The following NDST1 variants were observed in gnomAD, a reference collection of about 807,000 sequenced individuals.
NDST1 encodes bifunctional heparan sulfate N-deacetylase/N-sulfotransferase 1.
A neutral mutation model predicts 92.8 loss-of-function variants in NDST1; 35 were observed. That is an observed-to-expected ratio of 0.38 (90% CI 0.29 to 0.50). The LOEUF (loss-of-function observed/expected upper bound fraction) is 0.50. Ranked by LOEUF, NDST1 falls within the 20% of genes least tolerant of loss-of-function variation. The pLI is 0.94. For synonymous variants in NDST1, 493 were observed against 500.3 expected, an observed-to-expected ratio of 0.99 and a Z score of 0.19; for missense variants, 822 against 1,182.7, an observed-to-expected ratio of 0.69 and a Z score of 4.47.
chr5:150,550,022 T>C (rs759059578), intron 13 of NDST1, among the ~76,000 whole-genome samples: 11 of 152,176 alleles, frequency 7.2e-5, no homozygotes, highest in Non-Finnish European at 1.2e-4. Flanking sequence ...TGGTCTGGGC[T>C]GAACATTTTC....
At position 150,551,758 on chromosome 5, in the gene NDST1, A is replaced by T; in HGVS notation, c.2432A>T (p.Asp811Val). Residue 811 changes from aspartate (D) to valine (V), a missense_variant, in exon 14 of 15, where the codon GAT becomes GTT. Transcript: ENST00000261797. The stretch of plus-strand genomic sequence containing the variant: ...AGACTTTCCCACCTCCACAGGTTTG[A>T]TCCAAAGAAAGGATTTTGGTGCCAA... Reference protein sequence around the residue: ...TIDYHKTLAFDPKKGFWCQLL... With the variant: ...TIDYHKTLAFVPKKGFWCQLL... 1 of 1,612,982 alleles carries T rather than the reference A, an allele frequency of 6.2e-7. No homozygotes were observed. Among genetic ancestry groups the T allele is most frequent in the Non-Finnish European group, 8.5e-7 (1 of 1,179,128 alleles).
chr5:150,521,837 G>A lies in NDST1; in HGVS notation c.513+70G>A, dbSNP rs1343645632. The A allele has an allele frequency of 2.5e-6, 4 of 1,590,734 alleles. No homozygotes were observed. Among genetic ancestry groups the A allele is most frequent in the Admixed American group, 1.7e-5 (1 of 59,960 alleles). On this transcript the variant is annotated intron_variant, in intron 2 of 14. Transcript: ENST00000261797. The surrounding 1 kb of genome is among the most constrained non-coding windows in gnomAD (Gnocchi z 5.9). ...CAGCTCAGTGCCTGAATTCTCATTT[G>A]TGAAATAGGTGTAATGGTAGCACCC...
rs1328837724 is a variant in NDST1 at position 150,520,795 on chromosome 5, C to T, written c.-387-73C>T. The T allele has an allele frequency of 4.5e-5, 18 of 403,084 alleles. No individual in the cohort carries two copies. In the Admixed American group the frequency reaches 4.9e-4, roughly 11 times the overall value. The allele number at this position is 403,084 out of a possible 1,614,324, so 25.0% of individuals were successfully genotyped here. ...TTGCATTTGGGCATTCCTAGGTCAGCTCCTGTGTGTCCACAGTTAGCTGAA... is the reference window on the plus strand; with the variant it reads ...TTGCATTTGGGCATTCCTAGGTCAGTTCCTGTGTGTCCACAGTTAGCTGAA... On this transcript the variant is annotated intron_variant, in intron 1 of 14. Coordinates refer to ENST00000261797, the MANE Select transcript of NDST1 (RefSeq NM_001543.5).
At chr5:150,542,808 G>C in intron 9 of NDST1, 40 bp from the exon 10 acceptor site, 1 of 1,613,702 alleles carries the variant, frequency 6.2e-7, no homozygotes, top group African/African-American at 1.3e-5. Flanking sequence ...TTTTGGCTGG[G>C]GGCTGGGCCC....
Position 150,521,796 on chromosome 5 carries a change from T to G in NDST1, c.513+29T>G. ...CACAAGAAGCAGGGTCCCCGAGCAGTTCAGAGCCCCCTCTGCAGCTCAGTG... is the reference window on the plus strand; with the variant it reads ...CACAAGAAGCAGGGTCCCCGAGCAGGTCAGAGCCCCCTCTGCAGCTCAGTG... On this transcript the variant is annotated intron_variant, in intron 2 of 14. Transcript: ENST00000261797. This position sits in a 1 kb window ranked among gnomAD's most constrained non-coding sequence, Gnocchi z 5.9. 1 of 1,610,040 alleles carries G rather than the reference T, an allele frequency of 6.2e-7. No homozygotes were observed. The highest frequency in any genetic ancestry group is 8.5e-7 in the Non-Finnish European group (1 of 1,179,980).
intron 5 of NDST1, chr5:150,535,497 C>A: frequency 1.3e-6 from 1 of 750,638 alleles, no homozygotes; most frequent in Non-Finnish European, 1.6e-6. Context: ...GTTCTAATCC[C>A]AGCTCTGCCA....
Position 150,545,476 on chromosome 5 carries a change from C to A in NDST1, c.2135C>A (p.Ser712Tyr), listed in dbSNP as rs375276768. Residue 712 changes from serine to tyrosine, a missense_variant, in exon 11 of 15, where the codon TCC becomes TAC. Physicochemically the swap from Ser to Tyr is moderately radical, Grantham distance 144. Transcript: ENST00000261797. ...ATCAACCCCGCGGACCGGGCCTATT[C>A]CTGGTACCAGGTGAGTGGGGCTGGG... is the stretch of plus-strand genomic sequence containing the variant. ...ILINPADRAY[S>Y]WYQHQRAHDD... The A allele has an allele frequency of 6.2e-7, 1 of 1,614,092 alleles. No homozygotes were observed. The highest frequency in any genetic ancestry group is 8.5e-7 in the Non-Finnish European group (1 of 1,180,048).
intron 8 of NDST1, among the ~76,000 whole-genome samples, chr5:150,541,019 GC>G: frequency 6.6e-6 from 1 of 152,324 alleles, no homozygotes; most frequent in African/African-American, 2.4e-5. Flanking sequence ...GGAAGCAGAA[GC>G]TGGAATTGGT....
At chr5:150,522,041 A>C (rs750564660) in intron 2 of NDST1, among the ~76,000 whole-genome samples, 17 of 152,166 alleles carry the variant, frequency 1.1e-4, no homozygotes, top group Non-Finnish European at 1.8e-4. Context: ...CCACAGAGTA[A>C]GTGTGAAGTC....
At position 150,508,226 on chromosome 5, in the gene NDST1, G is replaced by GGTGGGTCTGGGTCTGGTCATTGTCTC; in HGVS notation, c.-388+2_-388+27dup. The GGTGGGTCTGGGTCTGGTCATTGTCTC allele has an allele frequency of 6.5e-6, 1 of 152,694 alleles. No individual in the cohort carries two copies. The highest frequency in any genetic ancestry group is 1.5e-5 in the Non-Finnish European group (1 of 68,452). The allele number at this position is 152,694 out of a possible 1,614,324, so 9.5% of individuals were successfully genotyped here. A position where few individuals can be genotyped will look rare whatever the true frequency, so the allele number is the denominator to read the frequency against. On this transcript the variant is annotated splice_region_variant and 5_prime_UTR_variant. Transcript: ENST00000261797. ...ACCTCACGCCACTGCCTGGAGCTCC[G>GGTGGGTCTGGGTCTGGTCATTGTCTC]GTGGGTCTGGGTCTGGTCATTGTCT...
At position 150,551,813 on chromosome 5, in the gene NDST1, G is replaced by A; in HGVS notation, c.2487G>A (p.Leu829=). The A allele has an allele frequency of 6.2e-7, 1 of 1,613,732 alleles. No individual in the cohort carries two copies. The highest frequency in any genetic ancestry group is 1.7e-5 in the Admixed American group (1 of 60,010). The change falls in exon 14 of 15, where the codon CTG becomes CTA. Residue 829 remains leucine (L), a synonymous_variant. Coordinates refer to ENST00000261797, the MANE Select transcript of NDST1 (RefSeq NM_001543.5). ...QLLEGGKTKC[L]GKSKGRKYPE... is the part of the protein sequence containing the mutation. ...TTGAAGGAGGAAAAACCAAGTGTCTGGGCAAAAGCAAGGGCCGGAAATATC... is the reference window on the plus strand; with the variant it reads ...TTGAAGGAGGAAAAACCAAGTGTCTAGGCAAAAGCAAGGGCCGGAAATATC...
intron 12 of NDST1, among the ~76,000 whole-genome samples, chr5:150,549,386 CAG>C (rs1005537813): frequency 3.2e-4 from 49 of 152,132 alleles, no homozygotes; most frequent in African/African-American, 1.1e-3. Context: ...ACTGGAAGCT[CAG>C]AGAGAGGCCA....
intron 8 of NDST1, 87 bp downstream of exon 8, chr5:150,540,351 T>C (rs1755187933): frequency 1.5e-6 from 2 of 1,374,504 alleles, no homozygotes; most frequent in Admixed American, 2.3e-5. Context: ...GACTCAAGGC[T>C]CAGCCATCAT....
chr5:150,551,185 C>T (rs911904610), intron 13 of NDST1, among the ~76,000 whole-genome samples: 3 of 152,138 alleles, frequency 2.0e-5, no homozygotes, highest in Non-Finnish European at 4.4e-5. Flanking sequence ...CCAAAAATGC[C>T]TTTGAAGACA....
chr5:150,539,553 T>C (rs1238354377), intron 7 of NDST1, 197 bp downstream of exon 7: 11 of 1,436,660 alleles, frequency 7.7e-6, no homozygotes, highest in Non-Finnish European at 1.0e-5. Flanking sequence ...ATGCTTTTTT[T>C]TTCCTTTCCT....
intron 2 of NDST1, among the ~76,000 whole-genome samples, chr5:150,525,675 A>C (rs958543693): frequency 6.6e-6 from 1 of 152,174 alleles, no homozygotes; most frequent in African/African-American, 2.4e-5. Flanking sequence ...CTTTTTGGGA[A>C]TTAGAGGAGA....
At chr5:150,512,201 G>C (rs1259413160) in intron 1 of NDST1, among the ~76,000 whole-genome samples, 2 of 152,140 alleles carry the variant, frequency 1.3e-5, no homozygotes, top group African/African-American at 4.8e-5. Context: ...AGATGCCTAT[G>C]ATGATGCCAT....
In NDST1 at chr5:150,527,955, G is replaced by T; in HGVS notation, c.665G>T (p.Gly222Val). 1 of 1,614,030 alleles carries T rather than the reference G, an allele frequency of 6.2e-7. No homozygotes were observed. Among genetic ancestry groups the T allele is most frequent in the Non-Finnish European group, 8.5e-7 (1 of 1,179,948 alleles). ...PSEVEKGVLP[G>V]EDWTVFQSNH... is the part of the protein sequence containing the mutation. ...GAGGTGGAGAAAGGTGTGCTCCCCGGCGAGGACTGGACGGTTTTCCAGTCA... is the reference window on the plus strand; with the variant it reads ...GAGGTGGAGAAAGGTGTGCTCCCCGTCGAGGACTGGACGGTTTTCCAGTCA... The change falls in exon 3 of 15, where the codon GGC becomes GTC. Residue 222 changes from glycine (G) to valine (V), a missense_variant. Gly to Val is a moderately radical substitution (Grantham distance 109). Coordinates refer to ENST00000261797, the MANE Select transcript of NDST1 (RefSeq NM_001543.5).
In NDST1 at chr5:150,556,483, T is replaced by A. The variant is rs1432944007; in HGVS notation, c.*3151T>A. Reference sequence around the variant, plus strand: ...CCAGCACAGAGCTGTGCCCATGGGCTTGTTAGTGGGAAAAGCAAATACAAC... The same window carrying A: ...CCAGCACAGAGCTGTGCCCATGGGCATGTTAGTGGGAAAAGCAAATACAAC... On this transcript the variant is annotated 3_prime_UTR_variant, in exon 15 of 15. Coordinates refer to ENST00000261797, the MANE Select transcript of NDST1 (RefSeq NM_001543.5). 1 of 152,244 alleles carries A rather than the reference T, an allele frequency of 6.6e-6. No homozygotes were observed. The highest frequency in any genetic ancestry group is 1.9e-4 in the East Asian group (1 of 5,196). The allele number at this position is 152,244 out of a possible 1,614,324, so 9.4% of individuals were successfully genotyped here.
Sources: gnomAD v4.1 joint callset for allele counts (sites outside exome capture counted in the v4.1 genomes callset) on GRCh38, gnomAD v4.1.1 for gene constraint, Gnocchi (gnomAD v3.1) non-coding constraint, MANE v1.5 for transcripts, NCBI Gene and HGNC (gene_info 2026-07-23, HGNC 2026-07-21) for gene names.